Variants in MAGI1 observed in about 807,000 individuals in gnomAD.
MAGI1 encodes the protein membrane-associated guanylate kinase, WW and PDZ domain-containing protein 1.
In MAGI1, 58 loss-of-function variants were observed where a neutral mutation model predicts 139.9. The ratio of observed to expected loss-of-function variants is 0.41; its 90% CI spans 0.34 to 0.52. MAGI1 has a LOEUF of 0.52. Among genes scored for constraint, MAGI1 ranks in the 20% least tolerant of loss-of-function variants. The pLI, the probability that MAGI1 is intolerant of heterozygous loss-of-function variation, is 0.12. For missense variants in MAGI1, 1,874 were observed against 1,901.6 expected, an observed-to-expected ratio of 0.99 and a Z score of 0.27; for synonymous variants, 812 against 737.9, an observed-to-expected ratio of 1.10 and a Z score of -1.63.
intron 6 of MAGI1, 106 bp downstream of exon 6, chr3:65,453,152 A>T: frequency 1.1e-6 from 1 of 946,842 alleles, no homozygotes; most frequent in Non-Finnish European, 1.7e-6. Context: ...ATTACCTTTT[A>T]AAAACTCAAC....
At chr3:65,848,313 A>G (rs980249355) in intron 1 of MAGI1, among the ~76,000 whole-genome samples, 1 of 152,200 alleles carries the variant, frequency 6.6e-6, no homozygotes, top group Non-Finnish European at 1.5e-5. Flanking sequence ...AAGCGAAGCA[A>G]CTTAGAATGT....
intron 2 of MAGI1, among the ~76,000 whole-genome samples, chr3:65,611,115 A>C (rs2083069178): frequency 7.2e-6 from 1 of 139,304 alleles, no homozygotes. Context: ...TATATTATAT[A>C]CGTATATAAT....
At chr3:65,860,333 T>C (rs920428473) in intron 1 of MAGI1, among the ~76,000 whole-genome samples, 9 of 152,350 alleles carry the variant, frequency 5.9e-5, no homozygotes, top group South Asian at 2.1e-4. Flanking sequence ...TAAAAGCCAA[T>C]TAGATCTATA....
At chr3:65,748,385 G>A (rs1316243832) in intron 1 of MAGI1, among the ~76,000 whole-genome samples, 2 of 152,172 alleles carry the variant, frequency 1.3e-5, no homozygotes, top group Non-Finnish European at 2.9e-5. Flanking sequence ...TTTTGGGGAT[G>A]ATTAATGCAA....
At chr3:65,523,115 A>G (rs1179251837) in intron 2 of MAGI1, among the ~76,000 whole-genome samples, 1 of 152,180 alleles carries the variant, frequency 6.6e-6, no homozygotes, top group East Asian at 1.9e-4. Context: ...GATGGAGTCT[A>G]AGCACACATA....
At chr3:65,938,405 C>T (rs916531310) in intron 1 of MAGI1, among the ~76,000 whole-genome samples, 1 of 150,088 alleles carries the variant, frequency 6.7e-6, no homozygotes, top group Admixed American at 6.7e-5. Context: ...TCTTTAAGGA[C>T]CTTTAACAAC....
intron 1 of MAGI1, among the ~76,000 whole-genome samples, chr3:65,775,500 GCCAA>G (rs1440618041): frequency 0.032 from 1,050 of 32,500 alleles, 18 homozygotes; most frequent in African/African-American, 0.12. Flanking sequence ...CACCCACTCT[GCCAA>G]AAAAAAAAAA....
At chr3:65,637,551 C>CAAAAAAAAAAAAAAGAAAGAAAGAAA (rs1559743275) in intron 1 of MAGI1, among the ~76,000 whole-genome samples, 2 of 94,456 alleles carry the variant, frequency 2.1e-5, no homozygotes, top group African/African-American at 8.9e-5. Flanking sequence ...GACCCTGTCT[C>CAAAAAAAAAAAAAAGAAAGAAAGAAA]CAAAAAAAGA....
chr3:65,666,348 T>A lies in MAGI1; in HGVS notation c.314-44260A>T, dbSNP rs571320551. ...TTCCTTAAGAGAATGATGACAAGACTCATGCTCAGGATAGATTTTTATGGC... is the reference window on the plus strand; with the variant it reads ...TTCCTTAAGAGAATGATGACAAGACACATGCTCAGGATAGATTTTTATGGC... On this transcript the variant is annotated intron_variant, in intron 1 of 22. Transcript: ENST00000402939. Among the ~76,000 whole-genome samples, 8 of 152,302 alleles carry A rather than the reference T, an allele frequency of 5.3e-5. No individual in the cohort carries two copies. In the South Asian group the frequency reaches 1.5e-3, roughly 28 times the overall value.
At chr3:65,896,812 A>T (rs1000819425) in intron 1 of MAGI1, among the ~76,000 whole-genome samples, 10 of 152,210 alleles carry the variant, frequency 6.6e-5, no homozygotes, top group African/African-American at 2.4e-4. Flanking sequence ...TTGACATGGC[A>T]ACCTGTTCAT....
chr3:65,869,133 T>C (rs917984468), intron 1 of MAGI1, among the ~76,000 whole-genome samples: 3 of 146,878 alleles, frequency 2.0e-5, no homozygotes, highest in East Asian at 2.3e-4. Context: ...CAGGCGCCTG[T>C]AGTCCCAGCT....
intron 5 of MAGI1, among the ~76,000 whole-genome samples, chr3:65,468,947 CAATAAATA>C (rs141122582): frequency 2.9e-4 from 39 of 134,726 alleles, no homozygotes; most frequent in South Asian, 7.5e-4. Context: ...GGAAGGGAAA[CAATAAATA>C]AATAAATAAA....
At chr3:65,515,449 A>T (rs1487182610) in intron 2 of MAGI1, among the ~76,000 whole-genome samples, 1 of 152,228 alleles carries the variant, frequency 6.6e-6, no homozygotes, top group Non-Finnish European at 1.5e-5. Context: ...CTAAATGCTT[A>T]AATGAATACT....
chr3:65,744,182 C>T (rs2035503080), intron 1 of MAGI1, among the ~76,000 whole-genome samples: 1 of 152,134 alleles, frequency 6.6e-6, no homozygotes, highest in African/African-American at 2.4e-5. Flanking sequence ...TTGTTCATGG[C>T]CAGGTTTCTT....
At chr3:65,620,873 C>A (rs1335865178) in intron 2 of MAGI1, among the ~76,000 whole-genome samples, 1 of 152,160 alleles carries the variant, frequency 6.6e-6, no homozygotes, top group Non-Finnish European at 1.5e-5. Context: ...AGAATCTGAT[C>A]TGTGGAGGTT....
intron 4 of MAGI1, among the ~76,000 whole-genome samples, chr3:65,472,308 A>G (rs2107589281): frequency 6.6e-6 from 1 of 152,284 alleles, no homozygotes; most frequent in Non-Finnish European, 1.5e-5. Flanking sequence ...TTCACACTTA[A>G]GTGCATAAAA....
At chr3:65,982,572 A>C (rs2065642616) in intron 1 of MAGI1, among the ~76,000 whole-genome samples, 1 of 152,222 alleles carries the variant, frequency 6.6e-6, no homozygotes, top group Admixed American at 6.5e-5. Context: ...AATGCTTTTA[A>C]TGCCTACATA....
intron 1 of MAGI1, among the ~76,000 whole-genome samples, chr3:65,722,632 CA>C (rs1424943901): frequency 1.3e-5 from 2 of 151,524 alleles, no homozygotes; most frequent in Non-Finnish European, 2.9e-5. Flanking sequence ...GACCCTGTCT[CA>C]AAAACAAAAA....
At chr3:65,729,806 G>A (rs1349899314) in intron 1 of MAGI1, among the ~76,000 whole-genome samples, 1 of 152,136 alleles carries the variant, frequency 6.6e-6, no homozygotes, top group African/African-American at 2.4e-5. Context: ...TGCAATCTAA[G>A]CAGGAAACTG....
Sources: gnomAD v4.1 joint callset for allele counts (sites outside exome capture counted in the v4.1 genomes callset) on GRCh38, gnomAD v4.1.1 for gene constraint, MANE v1.5 for transcripts, NCBI Gene and HGNC (gene_info 2026-07-23, HGNC 2026-07-21) for gene names.